BCAS3: variants seen among roughly 807,000 people sequenced by gnomAD.
The protein encoded by BCAS3 is BCAS3 microtubule associated cell migration factor.
Under a neutral mutation model 116.1 loss-of-function variants are expected in BCAS3, and 53 were observed. The observed-to-expected ratio is 0.46, with a 90% CI of 0.37 to 0.57. The LOEUF (loss-of-function observed/expected upper bound fraction) is 0.57, where lower values mean the gene tolerates loss of function less well. Among genes scored for constraint, BCAS3 ranks in the 20% least tolerant of loss-of-function variants. BCAS3 has a pLI of 0.00. For synonymous variants in BCAS3, 391 were observed against 408.2 expected, an observed-to-expected ratio of 0.96 and a Z score of 0.51; for missense variants, 917 against 1,165.4, an observed-to-expected ratio of 0.79 and a Z score of 3.10.
At chr17:61,350,319 G>A (rs1456721372) in intron 22 of BCAS3, among the ~76,000 whole-genome samples, 1 of 151,904 alleles carries the variant, frequency 6.6e-6, no homozygotes, top group Non-Finnish European at 1.5e-5. Flanking sequence ...GGAGGCTAAG[G>A]CAGGAGAATC....
Position 60,924,455 on chromosome 17 carries a change from C to G in BCAS3, c.1042C>G (p.Pro348Ala). 1 of 1,613,148 alleles carries G rather than the reference C, an allele frequency of 6.2e-7. No homozygotes were observed. The highest frequency in any genetic ancestry group is 1.7e-5 in the Admixed American group (1 of 59,956). ...SDSDGIVAHF[P>A]AHEKPVCCMA... ...CAGTGATGGCATTGTGGCCCACTTC[C>G]CTGCCCATGAGAAGCCAGTGTGCTG... Residue 348 changes from proline to alanine, a missense_variant, in exon 13 of 24, where the codon CCT becomes GCT. Coordinates refer to ENST00000407086, the MANE Select transcript of BCAS3 (RefSeq NM_017679.5).
chr17:61,249,594 G>A lies in BCAS3; in HGVS notation c.2426-118733G>A, dbSNP rs1449814035. Among the ~76,000 whole-genome samples the A allele has an allele frequency of 2.6e-5, 4 of 152,120 alleles. No individual in the cohort carries two copies. The highest frequency in any genetic ancestry group is 5.9e-5 in the Non-Finnish European group (4 of 68,022). On this transcript the variant is annotated intron_variant, in intron 22 of 23. Transcript: ENST00000407086. This position sits in a 1 kb window ranked among gnomAD's most constrained non-coding sequence, Gnocchi z 6.2. ...TGAAGAAATAGTTTGTTTTAGGAAC[G>A]CCAATACAAAAGCTACAGAATGGAA... is the stretch of plus-strand genomic sequence containing the variant.
At chr17:60,945,892 C>T (rs773602724) in intron 13 of BCAS3, among the ~76,000 whole-genome samples, 9 of 151,640 alleles carry the variant, frequency 5.9e-5, no homozygotes, top group South Asian at 2.1e-4. Flanking sequence ...AGGCTGAGTC[C>T]GGCGGATCAT....
intron 3 of BCAS3, among the ~76,000 whole-genome samples, chr17:60,684,268 TG>T (rs1254531775): frequency 6.6e-6 from 1 of 152,148 alleles, no homozygotes; most frequent in African/African-American, 2.4e-5. Context: ...AGAATCAAGG[TG>T]AATTGTTAGT....
chr17:60,864,458 A>G (rs2054420516), intron 7 of BCAS3, among the ~76,000 whole-genome samples: 1 of 152,216 alleles, frequency 6.6e-6, no homozygotes, highest in South Asian at 2.1e-4. Flanking sequence ...TTGGCCAACA[A>G]AAATGGGGTA....
chr17:60,950,434 G>A (rs181413786), intron 14 of BCAS3, among the ~76,000 whole-genome samples: 269 of 152,282 alleles, frequency 1.8e-3, no homozygotes, highest in African/African-American at 5.9e-3. Context: ...AATTGACCAT[G>A]AATGAGGTGT....
At chr17:60,875,263 T>C (rs1292576534) in intron 9 of BCAS3, among the ~76,000 whole-genome samples, 1 of 151,544 alleles carries the variant, frequency 6.6e-6, no homozygotes, top group Non-Finnish European at 1.5e-5. Context: ...TTTAAAACTT[T>C]TGTTTGTTTT....
rs1023966488 is a variant in BCAS3, at chr17:61,387,252, TGCTGCACGGCCCA to T, written c.2594-4721_2594-4709del. Among the ~76,000 whole-genome samples the T allele has an allele frequency of 1.3e-5, 2 of 152,230 alleles. No homozygotes were observed. The highest frequency in any genetic ancestry group is 4.8e-5 in the African/African-American group (2 of 41,470). On this transcript the variant is annotated intron_variant, in intron 23 of 23. Transcript: ENST00000407086. This position sits in a 1 kb window ranked among gnomAD's most constrained non-coding sequence, Gnocchi z 6.2. ...CTGTGGGTGGAGGTGCATGGGCCCA[TGCTGCACGGCCCA>T]GCTCAGGAGTAGGACAAGGTGTGGG...
chr17:60,694,202 A>T (rs183152591), intron 4 of BCAS3, among the ~76,000 whole-genome samples: 1,938 of 148,092 alleles, frequency 0.013, 30 homozygotes, highest in African/African-American at 0.044. Flanking sequence ...TTTAATTTTT[A>T]AAAAAATTAT....
chr17:61,116,727 C>T (rs1405575768), intron 22 of BCAS3, among the ~76,000 whole-genome samples: 1 of 152,112 alleles, frequency 6.6e-6, no homozygotes, highest in Admixed American at 6.6e-5. Context: ...TTGATTTCCC[C>T]TTTATTACTG....
In BCAS3 at chr17:61,309,704, A is replaced by G. The variant is rs1439042457; in HGVS notation, c.2426-58623A>G. ...AGCAAAGCCTGGAACTGGAGAGATGACCCAGGGTCTTTGGGATTGCGGAAC... is the reference window on the plus strand; with the variant it reads ...AGCAAAGCCTGGAACTGGAGAGATGGCCCAGGGTCTTTGGGATTGCGGAAC... On this transcript the variant is annotated intron_variant, in intron 22 of 23. Transcript: ENST00000407086. This position sits in a 1 kb window ranked among gnomAD's most constrained non-coding sequence, Gnocchi z 4.6. Among the ~76,000 whole-genome samples the G allele has an allele frequency of 6.6e-6, 1 of 152,162 alleles. No individual in the cohort carries two copies. The highest frequency in any genetic ancestry group is 1.5e-5 in the Non-Finnish European group (1 of 68,028).
Position 61,327,076 on chromosome 17 carries a change from T to G in BCAS3, c.2426-41251T>G, listed in dbSNP as rs1295630856. ...ATCCCAGCACTTTGGGAGGCCGAGG[T>G]AGGCAGATCATGAGGTCAAGAGATT... On this transcript the variant is annotated intron_variant, in intron 22 of 23. Coordinates refer to ENST00000407086, the MANE Select transcript of BCAS3 (RefSeq NM_017679.5). This position sits in a 1 kb window ranked among gnomAD's most constrained non-coding sequence, Gnocchi z 5.9. Among the ~76,000 whole-genome samples the G allele has an allele frequency of 6.6e-6, 1 of 152,034 alleles. No homozygotes were observed. Among genetic ancestry groups the G allele is most frequent in the East Asian group, 1.9e-4 (1 of 5,188 alleles).
rs77260694 is a variant in BCAS3 at position 61,205,790 on chromosome 17, G to C, written c.2425+121226G>C. On this transcript the variant is annotated intron_variant, in intron 22 of 23. Transcript: ENST00000407086. This position sits in a 1 kb window ranked among gnomAD's most constrained non-coding sequence, Gnocchi z 5.2. Reference sequence around the variant, plus strand: ...TTTCTGAAGCTTTGTAGGAGCCGCAGAGTGTACCTAGTTTTGCCAGGCAAG... The same window carrying C: ...TTTCTGAAGCTTTGTAGGAGCCGCACAGTGTACCTAGTTTTGCCAGGCAAG... 6.7e-3 allele frequency among the ~76,000 whole-genome samples: 1,021 copies of C among 152,294 alleles called. 10 individuals carry two copies. The highest frequency in any genetic ancestry group is 0.023 in the African/African-American group (971 of 41,566).
At chr17:61,306,565 G>A (rs2053871555) in intron 22 of BCAS3, among the ~76,000 whole-genome samples, 1 of 152,126 alleles carries the variant, frequency 6.6e-6, no homozygotes, top group African/African-American at 2.4e-5. Context: ...TCGCATTAAT[G>A]CAAGAGTTCA....
In BCAS3 at chr17:61,377,280, G is replaced by A. The variant is rs1327068928; in HGVS notation, c.2593+8786G>A. Among the ~76,000 whole-genome samples the A allele has an allele frequency of 1.3e-5, 2 of 152,230 alleles. No homozygotes were observed. The highest frequency in any genetic ancestry group is 2.9e-5 in the Non-Finnish European group (2 of 68,040). On this transcript the variant is annotated intron_variant, in intron 23 of 23. Coordinates refer to ENST00000407086, the MANE Select transcript of BCAS3 (RefSeq NM_017679.5). This position sits in a 1 kb window ranked among gnomAD's most constrained non-coding sequence, Gnocchi z 4.6. ...GCCCAGTCCCACCAGCAGGTCACAA[G>A]CATCCCTACTCGGGACAAGAGGGAG... is the stretch of plus-strand genomic sequence containing the variant.
chr17:61,360,325 T>C (rs746422523), intron 22 of BCAS3, among the ~76,000 whole-genome samples: 1 of 152,206 alleles, frequency 6.6e-6, no homozygotes, highest in Non-Finnish European at 1.5e-5. Context: ...TAATACAGTC[T>C]TTCATAATAC....
At position 61,315,745 on chromosome 17, in the gene BCAS3, G is replaced by A. The variant is rs2054676247; in HGVS notation, c.2426-52582G>A. ...CTTTGCTGGTACTGGTCCCTGAGAT[G>A]TCCCCTGACATGCCCCTCACCCAGC... On this transcript the variant is annotated intron_variant, in intron 22 of 23. Transcript: ENST00000407086. The surrounding 1 kb of genome is among the most constrained non-coding windows in gnomAD (Gnocchi z 5.3). 6.6e-6 allele frequency among the ~76,000 whole-genome samples: 1 copy of A among 152,046 alleles called. No individual in the cohort carries two copies. Among genetic ancestry groups the A allele is most frequent in the African/African-American group, 2.4e-5 (1 of 41,398 alleles).
intron 23 of BCAS3, among the ~76,000 whole-genome samples, chr17:61,375,242 G>GTGTGTC (rs1441824633): frequency 6.7e-6 from 1 of 149,662 alleles, no homozygotes; most frequent in Admixed American, 6.6e-5. Context: ...GTGTGTGTGT[G>GTGTGTC]TGTGTGTGTG....
chr17:61,345,212 C>G (rs2057434197), intron 22 of BCAS3, among the ~76,000 whole-genome samples: 1 of 152,246 alleles, frequency 6.6e-6, no homozygotes, highest in South Asian at 2.1e-4. Flanking sequence ...CCAGCCAACA[C>G]TCACACTCCT....
Sources: allele counts gnomAD v4.1 joint callset (sites outside exome capture counted in the v4.1 genomes callset), GRCh38; gene constraint gnomAD v4.1.1; non-coding constraint Gnocchi (gnomAD v3.1); transcripts MANE v1.5; gene names NCBI Gene and HGNC (gene_info 2026-07-23, HGNC 2026-07-21).